AGBL1: variants seen among roughly 807,000 people sequenced by gnomAD.
The protein encoded by AGBL1 is AGBL carboxypeptidase 1, also known as cytosolic carboxypeptidase 4.
A neutral mutation model predicts 118.9 loss-of-function variants in AGBL1; 130 were observed. The ratio of observed to expected loss-of-function variants is 1.09; its 90% CI spans 0.95 to 1.26. The LOEUF (loss-of-function observed/expected upper bound fraction) is 1.26, where lower values mean the gene tolerates loss of function less well. Ranked by LOEUF, AGBL1 falls within the 50% of genes most tolerant of loss-of-function variation. The probability of loss-of-function intolerance (pLI) is 0.00; values close to 1 mark genes in which losing one functional copy is unlikely to be tolerated. For synonymous variants in AGBL1, 555 were observed against 478.9 expected, an observed-to-expected ratio of 1.16 and a Z score of -2.08; for missense variants, 1,584 against 1,298.1, an observed-to-expected ratio of 1.22 and a Z score of -3.38.
chr15:86,240,018 G>T (rs1043987268), intron 6 of AGBL1, among the ~76,000 whole-genome samples: 1 of 152,146 alleles, frequency 6.6e-6, no homozygotes, highest in African/African-American at 2.4e-5. Context: ...CTAAAAGGGA[G>T]CTTTGAGGCT....
chr15:86,335,264 G>A (rs532172760), intron 17 of AGBL1, among the ~76,000 whole-genome samples: 4 of 151,858 alleles, frequency 2.6e-5, no homozygotes, highest in Non-Finnish European at 5.9e-5. Context: ...TCAGCCTCCC[G>A]AGTAGCTGGG....
At chr15:86,307,655 C>A (rs1449878496) in intron 17 of AGBL1, among the ~76,000 whole-genome samples, 1 of 151,876 alleles carries the variant, frequency 6.6e-6, no homozygotes, top group Non-Finnish European at 1.5e-5. Flanking sequence ...TAGTCCCAAC[C>A]ATTTGAGAGG....
rs770556494 is a variant in AGBL1, at chr15:86,870,454, C to CAAAAAAAAAAAAAAAA, written c.3159-36606_3159-36591dup. ...GGCAAGAAAAAAGTAAAGCATACTG[C>CAAAAAAAAAAAAAAAA]AAAAAAAAAAAAAAAAAAAAAAAAA... On this transcript the variant is annotated intron_variant, in intron 22 of 22. Coordinates refer to ENST00000614907, the MANE Select transcript of AGBL1 (RefSeq NM_001386094.1). Among the ~76,000 whole-genome samples, 54 of 64,108 alleles carry CAAAAAAAAAAAAAAAA rather than the reference C, an allele frequency of 8.4e-4. 11 individuals are homozygous for CAAAAAAAAAAAAAAAA. The highest frequency in any genetic ancestry group is 9.1e-3 in the Middle Eastern group (1 of 110). 42.1% of individuals were successfully genotyped at this position (64,108 alleles called of 152,430 possible). A position where few individuals can be genotyped will look rare whatever the true frequency, so the allele number is the denominator to read the frequency against.
chr15:86,457,865 A>T (rs998709579), intron 18 of AGBL1, among the ~76,000 whole-genome samples: 2 of 152,012 alleles, frequency 1.3e-5, no homozygotes. Flanking sequence ...TTCCTCTAAG[A>T]CCTCTCTGGG....
rs747614304 is a variant in AGBL1, at chr15:86,554,273, T to G, written c.2818-88T>G. On this transcript the variant is annotated intron_variant, in intron 20 of 22. Coordinates refer to ENST00000614907, the MANE Select transcript of AGBL1 (RefSeq NM_001386094.1). ...AAGTAACGAGTATTTTATATATAGA[T>G]GCTTAACAATGTTGAGAAGCTATTT... 265 of 1,123,804 alleles carry G rather than the reference T, an allele frequency of 2.4e-4. 1 individual carries two copies. In the Middle Eastern group the frequency reaches 2.4e-3, roughly 10 times the overall value. 69.6% of individuals were successfully genotyped at this position (1,123,804 alleles called of 1,614,324 possible). A position where few individuals can be genotyped will look rare whatever the true frequency, so the allele number is the denominator to read the frequency against.
chr15:86,591,403 G>A (rs2084333953), intron 21 of AGBL1, among the ~76,000 whole-genome samples: 3 of 152,120 alleles, frequency 2.0e-5, no homozygotes, highest in South Asian at 4.1e-4. Context: ...CAGTCCCCAG[G>A]AATGCCCTTG....
intron 24 of AGBL1, among the ~76,000 whole-genome samples, chr15:87,002,958 A>C (rs138158659): frequency 6.6e-6 from 1 of 152,286 alleles, no homozygotes; most frequent in East Asian, 1.9e-4. Context: ...TTCCTAATTA[A>C]TACCCTTTAT....
intron 21 of AGBL1, among the ~76,000 whole-genome samples, chr15:86,636,570 C>G (rs2085089862): frequency 6.7e-6 from 1 of 149,230 alleles, no homozygotes; most frequent in African/African-American, 2.5e-5. Context: ...AACTTTTTCC[C>G]TTATGAAATA....
chr15:86,549,505 A>G (rs1316022836), intron 20 of AGBL1, among the ~76,000 whole-genome samples: 2 of 152,110 alleles, frequency 1.3e-5, no homozygotes, highest in Non-Finnish European at 2.9e-5. Context: ...TTAATCCAGG[A>G]AAGTAGTTAA....
At chr15:86,427,867 C>G (rs1311830940) in intron 18 of AGBL1, among the ~76,000 whole-genome samples, 1 of 152,146 alleles carries the variant, frequency 6.6e-6, no homozygotes, top group Non-Finnish European at 1.5e-5. Flanking sequence ...CCTTGGGATC[C>G]AAACACTGTG....
chr15:86,217,974 A>G lies in AGBL1; in HGVS notation c.489-6940A>G, dbSNP rs116754545. 5.0e-3 allele frequency among the ~76,000 whole-genome samples: 760 copies of G among 152,264 alleles called. 4 individuals are homozygous for G. The highest frequency in any genetic ancestry group is 0.011 in the African/African-American group (459 of 41,552). On this transcript the variant is annotated intron_variant, in intron 5 of 22. Coordinates refer to ENST00000614907, the MANE Select transcript of AGBL1 (RefSeq NM_001386094.1). ...TGAAGGAGATACAGAGTGGATATGGATAGATTAGTTTTGGGGCTATAGCAG... is the reference window on the plus strand; with the variant it reads ...TGAAGGAGATACAGAGTGGATATGGGTAGATTAGTTTTGGGGCTATAGCAG...
chr15:86,891,577 AG>A (rs147000264), intron 22 of AGBL1, among the ~76,000 whole-genome samples: 2 of 149,444 alleles, frequency 1.3e-5, no homozygotes, highest in Non-Finnish European at 3.0e-5. Context: ...AGAAATAATG[AG>A]GAAAAAAAAA....
chr15:86,425,581 G>A (rs1304439849), intron 18 of AGBL1, among the ~76,000 whole-genome samples: 3 of 152,008 alleles, frequency 2.0e-5, no homozygotes, highest in African/African-American at 7.2e-5. Context: ...TAGAAATTGG[G>A]AAGCAAGTTA....
chr15:86,729,327 G>A (rs560431800), intron 22 of AGBL1, among the ~76,000 whole-genome samples: 6 of 152,280 alleles, frequency 3.9e-5, no homozygotes, highest in African/African-American at 9.6e-5. Flanking sequence ...ATGCAGGTTT[G>A]TTATGTGTAT....
intron 17 of AGBL1, among the ~76,000 whole-genome samples, chr15:86,330,964 G>A (rs956940316): frequency 6.6e-6 from 1 of 152,182 alleles, no homozygotes; most frequent in African/African-American, 2.4e-5. Context: ...GGTAGCTCAT[G>A]TCTGTAATCC....
intron 2 of AGBL1, 102 bp downstream of exon 2, chr15:86,142,169 C>A: frequency 8.3e-7 from 1 of 1,202,324 alleles, no homozygotes; most frequent in Non-Finnish European, 1.2e-6. Flanking sequence ...GCTCTTGCTT[C>A]AGTTTCCTGT....
chr15:86,766,898 A>T (rs1020215321), intron 22 of AGBL1, among the ~76,000 whole-genome samples: 6 of 151,828 alleles, frequency 4.0e-5, no homozygotes, highest in African/African-American at 1.5e-4. Flanking sequence ...TAACAAGACA[A>T]CCTACAGACG....
In AGBL1 at chr15:86,961,619, C is replaced by G. The variant is rs571041858; in HGVS notation, c.3222-26368C>G. Reference sequence around the variant, plus strand: ...AGTATTTTTACTTAGAACCCTTTCCCTGACCACCTCCATTTGGCAACATTC... The same window carrying G: ...AGTATTTTTACTTAGAACCCTTTCCGTGACCACCTCCATTTGGCAACATTC... On this transcript the variant is annotated intron_variant, in intron 23 of 24. Transcript: ENST00000441037. Among the ~76,000 whole-genome samples, 42 of 152,176 alleles carry G rather than the reference C, an allele frequency of 2.8e-4. No individual in the cohort carries two copies. The South Asian group carries it at 7.7e-3, about 28-fold the overall frequency.
chr15:86,956,257 A>AT (rs948153801), intron 23 of AGBL1, among the ~76,000 whole-genome samples: 1 of 150,190 alleles, frequency 6.7e-6, no homozygotes, highest in Admixed American at 6.7e-5. Context: ...AGATAGATAG[A>AT]TAGATTAGAT....
Sources: allele counts gnomAD v4.1 joint callset (sites outside exome capture counted in the v4.1 genomes callset), GRCh38; gene constraint gnomAD v4.1.1; transcripts MANE v1.5; gene names NCBI Gene and HGNC (gene_info 2026-07-23, HGNC 2026-07-21).